Variants in CDH12 observed in about 807,000 individuals in gnomAD.
The protein encoded by CDH12 is cadherin-12.
A neutral mutation model predicts 74.1 loss-of-function variants in CDH12; 41 were observed. That is an observed-to-expected ratio of 0.55 (90% confidence interval 0.43 to 0.72). The LOEUF is 0.72. Among genes scored for constraint, CDH12 ranks in the 30% least tolerant of loss-of-function variants. CDH12 has a pLI of 0.00. For synonymous variants in CDH12, 399 were observed against 355.0 expected (o/e 1.12, Z -1.39); for missense variants, 945 against 977.2 (o/e 0.97, Z 0.44).
chr5:22,316,497 T>A (rs1430630874), intron 3 of CDH12, among the ~76,000 whole-genome samples: 1 of 152,146 alleles, frequency 6.6e-6, no homozygotes. Flanking sequence ...TACCTTGCAT[T>A]CACAGAGAAT....
intron 4 of CDH12, among the ~76,000 whole-genome samples, chr5:22,084,433 C>CATTT (rs1183392352): frequency 6.6e-6 from 1 of 152,124 alleles, no homozygotes; most frequent in Non-Finnish European, 1.5e-5. Flanking sequence ...TACATGAATT[C>CATTT]ACAGCATAGT....
At chr5:22,078,301 AG>A (rs1375931952) in intron 5 of CDH12, 144 bp downstream of exon 5, 11 of 661,128 alleles carry the variant, frequency 1.7e-5, no homozygotes, top group Non-Finnish European at 2.6e-5. Flanking sequence ...CCATTGAGTC[AG>A]GAAGATAAAC....
chr5:22,178,394 A>G (rs1749456237), intron 4 of CDH12, among the ~76,000 whole-genome samples: 1 of 152,180 alleles, frequency 6.6e-6, no homozygotes, highest in Non-Finnish European at 1.5e-5. Context: ...TATGGTATTA[A>G]TAGTAATATT....
intron 6 of CDH12, among the ~76,000 whole-genome samples, chr5:21,906,374 A>C (rs1050944784): frequency 2.0e-5 from 3 of 152,204 alleles, no homozygotes; most frequent in African/African-American, 7.2e-5. Context: ...TTTGACACAT[A>C]CTTTAGAATA....
rs550125490 is a variant in CDH12 at position 22,529,816 on chromosome 5, C to T, written c.-522-24452G>A. ...AATGAGAAAGAAAATAATTGTTTAT[C>T]CTTTATTTCAAAAACACCATTCAAT... On this transcript the variant is annotated intron_variant, in intron 1 of 14. Transcript: ENST00000382254. Among the ~76,000 whole-genome samples the T allele has an allele frequency of 8.6e-4, 131 of 152,174 alleles. No individual in the cohort carries two copies. The Middle Eastern group carries it at 0.01, about 12-fold the overall frequency.
chr5:22,521,066 A>T (rs919860403), intron 1 of CDH12, among the ~76,000 whole-genome samples: 4 of 151,174 alleles, frequency 2.6e-5, no homozygotes, highest in African/African-American at 9.7e-5. Context: ...GGAGAAGGAG[A>T]GGAGATGCTG....
At chr5:22,586,053 T>G (rs1740380964) in intron 1 of CDH12, among the ~76,000 whole-genome samples, 1 of 152,160 alleles carries the variant, frequency 6.6e-6, no homozygotes, top group Admixed American at 6.5e-5. Context: ...ATGTTTATTG[T>G]GGCACTATTC....
At chr5:22,253,719 C>T (rs1391227787) in intron 3 of CDH12, among the ~76,000 whole-genome samples, 4 of 151,696 alleles carry the variant, frequency 2.6e-5, no homozygotes. Context: ...TCTCCTCCAC[C>T]TCTCCTCCTC....
intron 4 of CDH12, 23 bp downstream of exon 4, chr5:22,212,475 C>CA (rs1366744662): frequency 2.4e-6 from 2 of 830,538 alleles, no homozygotes; most frequent in East Asian, 2.5e-4. Flanking sequence ...GCCATGCAGT[C>CA]ACCCGGATAA....
intron 1 of CDH12, among the ~76,000 whole-genome samples, chr5:22,642,014 A>G (rs746889135): frequency 7.9e-5 from 12 of 152,206 alleles, no homozygotes; most frequent in Non-Finnish European, 1.6e-4. Context: ...ATGCAATGAG[A>G]TCTCAAATAT....
intron 6 of CDH12, among the ~76,000 whole-genome samples, chr5:21,880,673 TTC>T (rs1752292722): frequency 7.4e-6 from 1 of 135,128 alleles, no homozygotes; most frequent in South Asian, 2.4e-4. Flanking sequence ...CTTTCTTTCT[TTC>T]TTTCTTTCTT....
chr5:22,193,317 A>G (rs531701939), intron 4 of CDH12, among the ~76,000 whole-genome samples: 134 of 152,358 alleles, frequency 8.8e-4, no homozygotes, highest in Non-Finnish European at 1.5e-3. Context: ...GCATAAGGAA[A>G]TGTAATGACA....
At chr5:22,046,430 CTTTT>C (rs11323330) in intron 5 of CDH12, among the ~76,000 whole-genome samples, 4 of 100,418 alleles carry the variant, frequency 4.0e-5, no homozygotes, top group African/African-American at 1.3e-4. Flanking sequence ...CATTTAATTT[CTTTT>C]TTTTTTTTTT....
In CDH12 at chr5:22,064,501, A is replaced by G. The variant is rs550879534; in HGVS notation, c.231+13945T>C. 1.2e-4 allele frequency among the ~76,000 whole-genome samples: 19 copies of G among 152,244 alleles called. 1 individual carries two copies. The South Asian group carries it at 3.5e-3, about 28-fold the overall frequency. The stretch of plus-strand genomic sequence containing the variant: ...CTTTAATATGACTAGCTTTAAATAC[A>G]CTATTGACTCTCTTTCCAGTAGTAA... On this transcript the variant is annotated intron_variant, in intron 5 of 14. Transcript: ENST00000382254.
At chr5:22,621,008 G>A (rs566116834) in intron 1 of CDH12, among the ~76,000 whole-genome samples, 1 of 152,198 alleles carries the variant, frequency 6.6e-6, no homozygotes, top group East Asian at 1.9e-4. Flanking sequence ...TCTGAAATTG[G>A]CTTTAATAAA....
chr5:22,185,629 T>C (rs1017908151), intron 4 of CDH12, among the ~76,000 whole-genome samples: 4 of 152,166 alleles, frequency 2.6e-5, no homozygotes, highest in African/African-American at 9.7e-5. Flanking sequence ...TTTCCGTGTA[T>C]AAGTGAGAAA....
At chr5:22,284,620 A>T (rs775193783) in intron 3 of CDH12, among the ~76,000 whole-genome samples, 1 of 152,168 alleles carries the variant, frequency 6.6e-6, no homozygotes, top group Non-Finnish European at 1.5e-5. Context: ...TGCAAGTTAC[A>T]CTTAACCTAT....
chr5:22,244,787 A>AGAAAGAAAGAAG (rs1561251318), intron 3 of CDH12, among the ~76,000 whole-genome samples: 2 of 129,890 alleles, frequency 1.5e-5, no homozygotes, highest in African/African-American at 5.6e-5. Context: ...AAAGAAAGAA[A>AGAAAGAAAGAAG]GAAAGAAAGA....
chr5:21,758,940 G>T (rs187209572), intron 13 of CDH12, among the ~76,000 whole-genome samples: 88 of 152,112 alleles, frequency 5.8e-4, no homozygotes, highest in African/African-American at 1.4e-3. Flanking sequence ...CACAAAGATG[G>T]CAACAACTAA....
Sources: gnomAD v4.1 joint callset for allele counts (sites outside exome capture counted in the v4.1 genomes callset) on GRCh38, gnomAD v4.1.1 for gene constraint, MANE v1.5 for transcripts, NCBI Gene and HGNC (gene_info 2026-07-23, HGNC 2026-07-21) for gene names.